The following DTNB variants were observed in gnomAD, a reference collection of about 807,000 sequenced individuals.
DTNB encodes the protein dystrobrevin beta.
Under a neutral mutation model 90.7 loss-of-function variants are expected in DTNB, and 63 were observed. The ratio of observed to expected loss-of-function variants is 0.69; its 90% confidence interval spans 0.57 to 0.86. The LOEUF (loss-of-function observed/expected upper bound fraction) is 0.86. DTNB is among the 40% of genes least tolerant of loss of function. The pLI, the probability that DTNB is intolerant of heterozygous loss-of-function variation, is 0.00. For synonymous variants in DTNB, 277 were observed against 286.7 expected (o/e 0.97, Z 0.34); for missense variants, 744 against 807.1 (o/e 0.92, Z 0.95).
At chr2:25,475,859 TGTTTACAGCACG>T (rs2063640959) in intron 10 of DTNB, among the ~76,000 whole-genome samples, 1 of 152,206 alleles carries the variant, frequency 6.6e-6, no homozygotes, top group South Asian at 2.1e-4. Context: ...ACAGCACATC[TGTTTACAGCACG>T]GTTTAATGAA....
intron 8 of DTNB, among the ~76,000 whole-genome samples, chr2:25,553,034 GT>G (rs1401027106): frequency 6.6e-6 from 1 of 150,742 alleles, no homozygotes. Flanking sequence ...CTAATTTTTT[GT>G]ATTTTTAGTA....
At chr2:25,614,891 G>A (rs968506396) in intron 4 of DTNB, among the ~76,000 whole-genome samples, 2 of 152,182 alleles carry the variant, frequency 1.3e-5, no homozygotes. Context: ...ACAGCTGGAT[G>A]TCTATAATCT....
At chr2:25,635,893 A>T (rs1181831043) in intron 3 of DTNB, among the ~76,000 whole-genome samples, 1 of 152,214 alleles carries the variant, frequency 6.6e-6, no homozygotes. Context: ...AAGAAAGTGC[A>T]GTATTAGAAC....
intron 16 of DTNB, among the ~76,000 whole-genome samples, chr2:25,390,530 G>A (rs868713143): frequency 1.7e-4 from 25 of 150,626 alleles, no homozygotes; most frequent in African/African-American, 5.6e-4. Flanking sequence ...TGCAACCTCC[G>A]TCCCCTGGGT....
intron 8 of DTNB, among the ~76,000 whole-genome samples, chr2:25,557,821 G>GA (rs555768225): frequency 3.7e-3 from 569 of 152,292 alleles, no homozygotes; most frequent in African/African-American, 0.013. Context: ...TCCTACAGAT[G>GA]ATGTAATTAT....
chr2:25,504,438 AAG>A (rs1357278949), intron 9 of DTNB, among the ~76,000 whole-genome samples: 8 of 150,622 alleles, frequency 5.3e-5, no homozygotes, highest in Admixed American at 4.0e-4. Context: ...GAAAGAAGGA[AAG>A]AGAGAAGGAA....
chr2:25,526,395 A>ATATTTTTTTT, intron 9 of DTNB, among the ~76,000 whole-genome samples: 98 of 49,818 alleles, frequency 2.0e-3, no homozygotes, highest in East Asian at 6.1e-3. Context: ...ATATATATAT[A>ATATTTTTTTT]TTTTTTTTTT....
At chr2:25,447,061 C>A (rs548755757) in intron 12 of DTNB, among the ~76,000 whole-genome samples, 19 of 152,252 alleles carry the variant, frequency 1.2e-4, no homozygotes, top group African/African-American at 4.6e-4. Context: ...TCTGTAATTT[C>A]TATGTGATTT....
At chr2:25,452,034 A>G (rs2059365081) in intron 11 of DTNB, among the ~76,000 whole-genome samples, 1 of 152,262 alleles carries the variant, frequency 6.6e-6, no homozygotes, top group South Asian at 2.1e-4. Flanking sequence ...CAGAGGGCTG[A>G]GAAAAAATAT....
intron 3 of DTNB, among the ~76,000 whole-genome samples, chr2:25,634,598 G>A (rs1447129348): frequency 8.1e-6 from 1 of 123,450 alleles, no homozygotes; most frequent in East Asian, 4.0e-4. Flanking sequence ...GACAATGGCG[G>A]TTTTGTGGAA....
intron 16 of DTNB, among the ~76,000 whole-genome samples, chr2:25,418,634 G>C (rs1359573977): frequency 6.6e-6 from 1 of 151,804 alleles, no homozygotes. Context: ...GGGAGGCGGA[G>C]GTTGCAGTGA....
At chr2:25,442,746 G>A (rs1278796511) in intron 12 of DTNB, among the ~76,000 whole-genome samples, 1 of 152,202 alleles carries the variant, frequency 6.6e-6, no homozygotes, top group Admixed American at 6.5e-5. Flanking sequence ...CACAACTAAA[G>A]TCACATAACC....
chr2:25,513,511 C>G (rs895521336), intron 9 of DTNB, among the ~76,000 whole-genome samples: 1 of 151,888 alleles, frequency 6.6e-6, no homozygotes, highest in African/African-American at 2.4e-5. Flanking sequence ...CACTTGGGGT[C>G]GGCAGTTTGA....
chr2:25,580,398 G>A (rs2061389002), intron 7 of DTNB, among the ~76,000 whole-genome samples: 1 of 151,808 alleles, frequency 6.6e-6, no homozygotes, highest in Non-Finnish European at 1.5e-5. Context: ...GCCGGCACCT[G>A]TAATCCCAGC....
intron 16 of DTNB, among the ~76,000 whole-genome samples, chr2:25,413,462 G>A (rs1054784491): frequency 1.2e-4 from 16 of 131,026 alleles, no homozygotes; most frequent in Non-Finnish European, 2.3e-4. Context: ...TCCCCTTCCT[G>A]TGTCCAAGTG....
chr2:25,392,965 T>C (rs1275008322), intron 16 of DTNB, among the ~76,000 whole-genome samples: 2 of 151,972 alleles, frequency 1.3e-5, no homozygotes, highest in Non-Finnish European at 2.9e-5. Flanking sequence ...CAGACCAATA[T>C]CCCTGATGCA....
intron 6 of DTNB, among the ~76,000 whole-genome samples, chr2:25,594,390 CT>C (rs2064171563): frequency 6.6e-6 from 1 of 152,188 alleles, no homozygotes; most frequent in South Asian, 2.1e-4. Context: ...AGAATATCTC[CT>C]CAGATGTTAC....
At chr2:25,535,449 ATTC>A (rs1435578349) in intron 8 of DTNB, among the ~76,000 whole-genome samples, 3 of 142,500 alleles carry the variant, frequency 2.1e-5, no homozygotes, top group Admixed American at 7.0e-5. Context: ...CTCACCTCCC[ATTC>A]GGGGCAGCCA....
At chr2:25,635,758 T>C (rs2076990523) in intron 3 of DTNB, among the ~76,000 whole-genome samples, 1 of 152,204 alleles carries the variant, frequency 6.6e-6, no homozygotes, top group South Asian at 2.1e-4. Context: ...AAAGTTTATA[T>C]GAAAATGAAT....
Sources: gnomAD v4.1 joint callset for allele counts (sites outside exome capture counted in the v4.1 genomes callset) on GRCh38, gnomAD v4.1.1 for gene constraint, MANE v1.5 for transcripts, NCBI Gene and HGNC (gene_info 2026-07-23, HGNC 2026-07-21) for gene names.